TLE1: variants seen among roughly 807,000 people sequenced by gnomAD.
TLE1 encodes the protein transducin-like enhancer protein 1.
A neutral mutation model predicts 89.8 loss-of-function variants in TLE1; 21 were observed. The ratio of observed to expected loss-of-function variants is 0.23; its 90% CI spans 0.17 to 0.34. The LOEUF is 0.34. Ranked by LOEUF, TLE1 falls within the 10% of genes least tolerant of loss-of-function variation. The pLI is 1.00. For synonymous variants in TLE1, 447 were observed against 407.6 expected (o/e 1.10, Z -1.16); for missense variants, 795 against 1,031.2 (o/e 0.77, Z 3.14).
intron 8 of TLE1, among the ~76,000 whole-genome samples, chr9:81,628,513 T>A (rs1018257769): frequency 3.9e-5 from 6 of 152,194 alleles, no homozygotes; most frequent in African/African-American, 1.4e-4. Flanking sequence ...CCTTCTATAA[T>A]GTTGTCATTT....
At chr9:81,636,867 G>A (rs1260099430) in intron 6 of TLE1, among the ~76,000 whole-genome samples, 2 of 151,936 alleles carry the variant, frequency 1.3e-5, no homozygotes, top group Non-Finnish European at 2.9e-5. Flanking sequence ...GCCAGGTGTG[G>A]TGGCGGATGC....
intron 4 of TLE1, among the ~76,000 whole-genome samples, chr9:81,683,957 T>C (rs928287782): frequency 6.6e-6 from 1 of 152,020 alleles, no homozygotes; most frequent in African/African-American, 2.4e-5. Flanking sequence ...CCAGAAGAAT[T>C]ACACACCTCT....
chr9:81,678,592 C>T (rs1476091507), intron 4 of TLE1, among the ~76,000 whole-genome samples: 2 of 151,418 alleles, frequency 1.3e-5, no homozygotes, highest in African/African-American at 4.9e-5. Context: ...AGGCACGTGG[C>T]TCACTTGAAA....
chr9:81,687,556 G>A, intron 1 of TLE1, 122 bp from the exon 2 acceptor site: 1 of 710,258 alleles, frequency 1.4e-6, no homozygotes, highest in Non-Finnish European at 2.4e-6. Context: ...CTGAAAACGA[G>A]GCCCCAAACT....
chr9:81,655,579 T>C (rs1360121169), intron 4 of TLE1, among the ~76,000 whole-genome samples: 1 of 151,538 alleles, frequency 6.6e-6, no homozygotes, highest in Non-Finnish European at 1.5e-5. Context: ...TCTGCTTTTT[T>C]AAAAAAGAAA....
At chr9:81,667,724 C>G (rs546883814) in intron 4 of TLE1, among the ~76,000 whole-genome samples, 3 of 150,800 alleles carry the variant, frequency 2.0e-5, no homozygotes, top group Admixed American at 1.3e-4. Context: ...TGCTCCCCCC[C>G]AAGCTGAGTG....
intron 6 of TLE1, among the ~76,000 whole-genome samples, chr9:81,647,046 C>A (rs1439532774): frequency 1.3e-5 from 2 of 151,324 alleles, no homozygotes; most frequent in Non-Finnish European, 2.9e-5. Flanking sequence ...TTTTTTTTCT[C>A]TTGTGCATAG....
chr9:81,676,814 C>G (rs1457551669), intron 4 of TLE1, among the ~76,000 whole-genome samples: 1 of 152,202 alleles, frequency 6.6e-6, no homozygotes, highest in African/African-American at 2.4e-5. Flanking sequence ...TATGGGCTAG[C>G]AGTCTCTGAG....
chr9:81,649,981 C>T (rs186055113), intron 6 of TLE1, among the ~76,000 whole-genome samples: 1 of 152,094 alleles, frequency 6.6e-6, no homozygotes, highest in African/African-American at 2.4e-5. Flanking sequence ...ATATACTAAT[C>T]CAAAAATTAC....
At chr9:81,688,077 G>A (rs1469480281) in intron 1 of TLE1, 140 bp downstream of exon 1, 12 of 1,069,416 alleles carry the variant, frequency 1.1e-5, no homozygotes, top group Admixed American at 7.4e-5. Context: ...CAGGAAGAGA[G>A]GGCCCCAGAC....
At chr9:81,623,617 T>TA (rs751545706) in intron 8 of TLE1, among the ~76,000 whole-genome samples, 874 of 44,482 alleles carry the variant, frequency 0.02, 11 homozygotes, top group South Asian at 0.031. Context: ...CATCTGTACT[T>TA]AAAAAAAAAA....
At chr9:81,601,060 T>A (rs1830856016) in intron 14 of TLE1, among the ~76,000 whole-genome samples, 1 of 152,134 alleles carries the variant, frequency 6.6e-6, no homozygotes, top group Admixed American at 6.5e-5. Flanking sequence ...CTTCTCCATA[T>A]CCATATCTAT....
intron 8 of TLE1, among the ~76,000 whole-genome samples, chr9:81,630,065 C>T (rs1240069297): frequency 6.6e-6 from 1 of 151,950 alleles, no homozygotes; most frequent in Non-Finnish European, 1.5e-5. Flanking sequence ...ACATTCCCTG[C>T]GGATCCCATC....
chr9:81,645,714 T>C (rs530477888), intron 6 of TLE1, among the ~76,000 whole-genome samples: 1 of 152,164 alleles, frequency 6.6e-6, no homozygotes, highest in Non-Finnish European at 1.5e-5. Flanking sequence ...CACTCCAGCC[T>C]GGGCAACAAG....
chr9:81,663,106 A>G (rs1227392686), intron 4 of TLE1, among the ~76,000 whole-genome samples: 1 of 152,086 alleles, frequency 6.6e-6, no homozygotes, highest in East Asian at 1.9e-4. Context: ...TCGGCCCCCC[A>G]AAGTGCTGGG....
intron 14 of TLE1, among the ~76,000 whole-genome samples, chr9:81,604,357 T>C (rs1831358070): frequency 6.6e-6 from 1 of 152,138 alleles, no homozygotes; most frequent in South Asian, 2.1e-4. Flanking sequence ...CCCTAAACCA[T>C]GGCCCACAAG....
Position 81,620,481 on chromosome 9 carries a change from A to G in TLE1, c.671T>C (p.Ile224Thr). 1 of 1,614,052 alleles carries G rather than the reference A, an allele frequency of 6.2e-7. No individual in the cohort carries two copies. Among genetic ancestry groups the G allele is most frequent in the Non-Finnish European group, 8.5e-7 (1 of 1,179,998 alleles). The change falls in exon 9 of 20, where the codon ATC becomes ACC. Residue 224 changes from isoleucine (I) to threonine (T), a missense_variant. Physicochemically the swap from Ile to Thr is moderately conservative, Grantham distance 89. This residue lies in a region of TLE1 where 468 missense variants were observed against 509.1 expected (regional missense o/e 0.92). Coordinates refer to ENST00000376499, the MANE Select transcript of TLE1 (RefSeq NM_005077.5). ...CTTATCATCCACCTTCCTTTTCTTGATGTCATTGGAAAATTCAGGTCCATT... is the reference window on the plus strand; with the variant it reads ...CTTATCATCCACCTTCCTTTTCTTGGTGTCATTGGAAAATTCAGGTCCATT... ...RRNGPEFSND[I>T]KKRKVDDKDS...
chr9:81,649,408 AGATG>A (rs1829265070), intron 6 of TLE1, among the ~76,000 whole-genome samples: 2 of 152,108 alleles, frequency 1.3e-5, no homozygotes, highest in African/African-American at 2.4e-5. Flanking sequence ...GATGTCCTTG[AGATG>A]ATTTACTTTT....
intron 6 of TLE1, 73 bp downstream of exon 6, chr9:81,652,141 A>ACACAC: frequency 2.1e-6 from 3 of 1,440,824 alleles, no homozygotes; most frequent in Non-Finnish European, 2.9e-6. Flanking sequence ...ACACACACGT[A>ACACAC]AAGCCATCAA....
Sources: gnomAD v4.1 joint callset for allele counts (sites outside exome capture counted in the v4.1 genomes callset) on GRCh38, gnomAD v4.1.1 for gene constraint, gnomAD v4.1.1 regional missense constraint, MANE v1.5 for transcripts, NCBI Gene and HGNC (gene_info 2026-07-23, HGNC 2026-07-21) for gene names.